The following PCMT1 variants were observed in gnomAD, a reference collection of about 807,000 sequenced individuals.
The protein encoded by PCMT1 is protein-L-isoaspartate(D-aspartate) O-methyltransferase.
In PCMT1, 9 loss-of-function variants were observed where a neutral mutation model predicts 29.2. The observed-to-expected ratio is 0.31, with a 90% CI of 0.19 to 0.54. PCMT1 has a LOEUF of 0.54. PCMT1 is among the 20% of genes least tolerant of loss of function. PCMT1 has a pLI of 0.95. For synonymous variants in PCMT1, 98 were observed against 97.5 expected (o/e 1.00, Z -0.03); for missense variants, 184 against 282.2 (o/e 0.65, Z 2.49).
chr6:149,758,529 A>G (rs1786612062), intron 1 of PCMT1, among the ~76,000 whole-genome samples: 1 of 151,622 alleles, frequency 6.6e-6, no homozygotes, highest in African/African-American at 2.4e-5. Context: ...TCTTTTTTTT[A>G]ATAGTGTTAT....
intron 3 of PCMT1, among the ~76,000 whole-genome samples, chr6:149,789,442 A>C (rs923869757): frequency 1.3e-5 from 2 of 152,032 alleles, no homozygotes; most frequent in African/African-American, 4.8e-5. Context: ...TCATCCCAGC[A>C]CTTTGGGAGG....
chr6:149,796,415 T>G lies in PCMT1; in HGVS notation c.419T>G (p.Val140Gly). Residue 140 changes from valine to glycine, a missense_variant and splice_region_variant, in exon 6 of 8, where the codon GTG becomes GGG. Transcript: ENST00000464889. Reference protein sequence around the residue: ...LLSSGRVQLVVGDGRMGYAEE... With the variant: ...LLSSGRVQLVGGDGRMGYAEE... ...TAAAGCATAGCTGTTTTTCTTTCAG[T>G]GGGGGATGGAAGAATGGGATATGCT... 1.9e-6 allele frequency: 3 copies of G among 1,610,656 alleles called. No individual in the cohort carries two copies. Among genetic ancestry groups the G allele is most frequent in the Non-Finnish European group, 2.5e-6 (3 of 1,178,060 alleles).
At chr6:149,779,824 G>A (rs1787745286) in intron 3 of PCMT1, among the ~76,000 whole-genome samples, 1 of 150,982 alleles carries the variant, frequency 6.6e-6, no homozygotes, top group Admixed American at 6.6e-5. Flanking sequence ...AAAAAAAAAA[G>A]AAGTATGAAT....
chr6:149,784,768 T>A (rs572329965), intron 3 of PCMT1, among the ~76,000 whole-genome samples: 11 of 151,838 alleles, frequency 7.2e-5, no homozygotes, highest in Non-Finnish European at 1.5e-4. Context: ...CTAGTGTAAC[T>A]CTCTCTTTTG....
intron 4 of PCMT1, 141 bp from the exon 5 acceptor site, chr6:149,793,404 CTGAG>C (rs1788460779): frequency 2.0e-6 from 1 of 493,986 alleles, no homozygotes; most frequent in South Asian, 9.3e-5. Context: ...TTATGATAAA[CTGAG>C]TGTTTAGCAA....
At chr6:149,802,478 T>C in intron 7 of PCMT1, 62 bp downstream of exon 7, 1 of 1,377,168 alleles carries the variant, frequency 7.3e-7, no homozygotes, top group East Asian at 2.5e-5. Flanking sequence ...GTCACCTTTA[T>C]GCTCCTCCAT....
intron 3 of PCMT1, among the ~76,000 whole-genome samples, chr6:149,775,590 C>T (rs1022185767): frequency 6.6e-6 from 1 of 151,930 alleles, no homozygotes; most frequent in Non-Finnish European, 1.5e-5. Flanking sequence ...TTCCTGTAGT[C>T]CCAGCTACAA....
At chr6:149,754,725 G>A (rs559840751) in intron 1 of PCMT1, among the ~76,000 whole-genome samples, 117 of 152,236 alleles carry the variant, frequency 7.7e-4, no homozygotes, top group African/African-American at 2.7e-3. Context: ...CTCTCTGGAC[G>A]TCCCACTTGA....
intron 4 of PCMT1, among the ~76,000 whole-genome samples, chr6:149,791,044 G>A (rs1429173644): frequency 1.3e-5 from 2 of 152,076 alleles, no homozygotes; most frequent in African/African-American, 4.8e-5. Context: ...TTAGCATGGA[G>A]AGGGGGTCAG....
At chr6:149,802,556 TAACA>T in intron 7 of PCMT1, 140 bp downstream of exon 7, 2 of 1,213,104 alleles carry the variant, frequency 1.6e-6, no homozygotes, top group Non-Finnish European at 2.1e-6. Context: ...TATTTTGGTT[TAACA>T]TATATATCTT....
chr6:149,749,947 A>C lies in PCMT1; in HGVS notation c.46A>C (p.Asn16His). The C allele has an allele frequency of 1.2e-6, 2 of 1,610,772 alleles. No individual in the cohort carries two copies. The highest frequency in any genetic ancestry group is 1.7e-6 in the Non-Finnish European group (2 of 1,178,708). The change falls in exon 1 of 8, where the codon AAT becomes CAT. Residue 16 changes from asparagine to histidine, a missense_variant. Transcript: ENST00000464889. ...CGCCAGCCACTCGGAGCTAATCCACAATCTCCGCAGTAAGTGCCACCTCCG... is the reference window on the plus strand; with the variant it reads ...CGCCAGCCACTCGGAGCTAATCCACCATCTCCGCAGTAAGTGCCACCTCCG... ...GGASHSELIH[N>H]LRKNGIIKTD...
intron 7 of PCMT1, among the ~76,000 whole-genome samples, chr6:149,808,869 C>G (rs1328725122): frequency 1.3e-5 from 2 of 151,812 alleles, no homozygotes; most frequent in African/African-American, 4.8e-5. Flanking sequence ...ATCTCCTGAC[C>G]TCATGATCCG....
intron 4 of PCMT1, 63 bp from the exon 5 acceptor site, chr6:149,793,486 C>G (rs1295305111): frequency 7.4e-7 from 1 of 1,353,510 alleles, no homozygotes; most frequent in East Asian, 2.8e-5. Flanking sequence ...GGAAAAACTT[C>G]AATAATACTT....
chr6:149,790,737 G>A (rs2115311477), intron 4 of PCMT1, among the ~76,000 whole-genome samples: 1 of 152,082 alleles, frequency 6.6e-6, no homozygotes, highest in African/African-American at 2.4e-5. Flanking sequence ...GACCAGACGC[G>A]GTGGCTCACA....
At chr6:149,808,700 G>A (rs1353202461) in intron 7 of PCMT1, among the ~76,000 whole-genome samples, 3 of 151,922 alleles carry the variant, frequency 2.0e-5, no homozygotes, top group Admixed American at 2.0e-4. Flanking sequence ...GCAGTGGCGT[G>A]ATCTCAGCTT....
intron 3 of PCMT1, among the ~76,000 whole-genome samples, chr6:149,779,444 T>C (rs1787719153): frequency 6.6e-6 from 1 of 152,092 alleles, no homozygotes; most frequent in South Asian, 2.1e-4. Context: ...TTAGACACTC[T>C]CCTGAACTGT....
intron 3 of PCMT1, among the ~76,000 whole-genome samples, chr6:149,781,257 C>T (rs1352166968): frequency 1.1e-4 from 16 of 141,846 alleles, no homozygotes; most frequent in African/African-American, 3.4e-4. Flanking sequence ...GACAGAGTCT[C>T]GCTCTGTCAC....
chr6:149,780,491 T>C (rs1185398379), intron 3 of PCMT1, among the ~76,000 whole-genome samples: 1 of 152,190 alleles, frequency 6.6e-6, no homozygotes, highest in Non-Finnish European at 1.5e-5. Flanking sequence ...ACCTTCCTTA[T>C]ACCCATTAGC....
chr6:149,795,521 G>A, intron 5 of PCMT1: 1 of 449,302 alleles, frequency 2.2e-6, no homozygotes, highest in South Asian at 2.0e-5. Context: ...GCCAAATACA[G>A]TGTTGGGCAG....
Sources: allele counts gnomAD v4.1 joint callset (sites outside exome capture counted in the v4.1 genomes callset), GRCh38; gene constraint gnomAD v4.1.1; transcripts MANE v1.5; gene names NCBI Gene and HGNC (gene_info 2026-07-23, HGNC 2026-07-21).